The following RBFOX1 variants were observed in gnomAD, a reference collection of about 807,000 sequenced individuals.
RBFOX1 encodes the protein RNA binding protein fox-1 homolog 1.
A neutral mutation model predicts 57.7 loss-of-function variants in RBFOX1; 8 were observed. That is an observed-to-expected ratio of 0.14 (90% CI 0.08 to 0.25). RBFOX1 has a LOEUF of 0.25. Among genes scored for constraint, RBFOX1 ranks in the 10% least tolerant of loss-of-function variants. RBFOX1 has a pLI of 1.00. For synonymous variants in RBFOX1, 326 were observed against 222.4 expected, an observed-to-expected ratio of 1.47 and a Z score of -4.15; for missense variants, 611 against 548.5, an observed-to-expected ratio of 1.11 and a Z score of -1.14.
intron 2 of RBFOX1, among the ~76,000 whole-genome samples, chr16:6,503,943 A>G (rs770118549): frequency 2.0e-5 from 3 of 152,192 alleles, no homozygotes; most frequent in Non-Finnish European, 4.4e-5. Context: ...CTTCATCCCT[A>G]AATCATCTTT....
At chr16:6,671,162 G>C (rs540339787) in intron 3 of RBFOX1, among the ~76,000 whole-genome samples, 2 of 152,262 alleles carry the variant, frequency 1.3e-5, no homozygotes, top group South Asian at 4.1e-4. Context: ...GGAAACAAAA[G>C]GACACCTGGA....
chr16:6,276,635 G>T (rs1040486293), intron 1 of RBFOX1, among the ~76,000 whole-genome samples: 2 of 152,122 alleles, frequency 1.3e-5, no homozygotes, highest in Non-Finnish European at 2.9e-5. Context: ...GAGCCTCCGC[G>T]CCCGGCTGAG....
intron 2 of RBFOX1, among the ~76,000 whole-genome samples, chr16:6,426,817 G>A (rs567875323): frequency 8.9e-4 from 136 of 152,278 alleles, no homozygotes; most frequent in African/African-American, 3.1e-3. Context: ...GCAAATTCCT[G>A]CCACATGTCT....
At chr16:6,089,065 C>CAAA (rs5815283) in intron 1 of RBFOX1, among the ~76,000 whole-genome samples, 4 of 138,230 alleles carry the variant, frequency 2.9e-5, no homozygotes, top group African/African-American at 5.4e-5. Flanking sequence ...AACTCTGTCT[C>CAAA]AAAAAAAAAA....
At chr16:7,562,170 T>C (rs777326428) in intron 5 of RBFOX1, among the ~76,000 whole-genome samples, 5 of 152,202 alleles carry the variant, frequency 3.3e-5, no homozygotes, top group Non-Finnish European at 4.4e-5. Flanking sequence ...GTATTTGACA[T>C]GTTCCCAAAA....
At chr16:7,567,724 C>G (rs1427052790) in intron 5 of RBFOX1, among the ~76,000 whole-genome samples, 1 of 59,968 alleles carries the variant, frequency 1.7e-5, no homozygotes, top group Non-Finnish European at 4.0e-5. Flanking sequence ...ATATATATAT[C>G]CCTATATATA....
At chr16:7,083,544 C>G (rs1030441371) in intron 4 of RBFOX1, among the ~76,000 whole-genome samples, 1 of 152,266 alleles carries the variant, frequency 6.6e-6, no homozygotes, top group East Asian at 1.9e-4. Context: ...CACCGTGGAT[C>G]AAATGGGTTT....
intron 2 of RBFOX1, among the ~76,000 whole-genome samples, chr16:6,556,020 G>C (rs565632135): frequency 1.3e-5 from 2 of 152,102 alleles, no homozygotes; most frequent in Non-Finnish European, 1.5e-5. Context: ...GGTAATATTA[G>C]TCTTACTTTG....
chr16:7,265,854 A>T, intron 4 of RBFOX1, among the ~76,000 whole-genome samples: 1 of 151,640 alleles, frequency 6.6e-6, no homozygotes, highest in East Asian at 1.9e-4. Context: ...ATAACTCCCA[A>T]TGCTGGAGGT....
chr16:5,982,695 A>G (rs779281652), intron 4 of RBFOX1, among the ~76,000 whole-genome samples: 3 of 152,170 alleles, frequency 2.0e-5, no homozygotes, highest in Non-Finnish European at 4.4e-5. Context: ...GTTCCTGACC[A>G]TCTTGACTAA....
At chr16:7,235,598 A>G (rs557902473) in intron 4 of RBFOX1, among the ~76,000 whole-genome samples, 6 of 152,296 alleles carry the variant, frequency 3.9e-5, no homozygotes, top group South Asian at 2.1e-4. Flanking sequence ...TGCCCTTTCA[A>G]TTGATGGGCA....
intron 3 of RBFOX1, among the ~76,000 whole-genome samples, chr16:6,747,132 A>G (rs1024714998): frequency 2.6e-5 from 4 of 152,166 alleles, no homozygotes; most frequent in Non-Finnish European, 5.9e-5. Flanking sequence ...CTGGTCGGCC[A>G]GGCGCAGTGG....
intron 14 of RBFOX1, among the ~76,000 whole-genome samples, chr16:7,705,940 G>C (rs1314123919): frequency 6.6e-6 from 1 of 152,156 alleles, no homozygotes; most frequent in African/African-American, 2.4e-5. Flanking sequence ...CTTTGGCCAG[G>C]GATGCATGGT....
chr16:6,227,861 G>A (rs2097429424), intron 1 of RBFOX1, among the ~76,000 whole-genome samples: 1 of 152,172 alleles, frequency 6.6e-6, no homozygotes, highest in African/African-American at 2.4e-5. Flanking sequence ...TTAACAAAAG[G>A]AGAGGTAAAC....
intron 3 of RBFOX1, among the ~76,000 whole-genome samples, chr16:5,659,288 T>C (rs866129961): frequency 6.6e-6 from 1 of 151,598 alleles, no homozygotes; most frequent in Non-Finnish European, 1.5e-5. Context: ...TTATGTTTGT[T>C]GGCCATTGGT....
At chr16:7,531,669 A>G (rs1429961939) in intron 5 of RBFOX1, among the ~76,000 whole-genome samples, 1 of 152,224 alleles carries the variant, frequency 6.6e-6, no homozygotes, top group African/African-American at 2.4e-5. Context: ...GGATGAGGGA[A>G]CTGAGGCACA....
intron 4 of RBFOX1, among the ~76,000 whole-genome samples, chr16:7,485,205 T>C (rs565037685): frequency 6.6e-6 from 1 of 152,324 alleles, no homozygotes; most frequent in South Asian, 2.1e-4. Flanking sequence ...CCTGTTATTT[T>C]GTTTTACAAC....
At chr16:5,786,847 A>G (rs1392891983) in intron 3 of RBFOX1, among the ~76,000 whole-genome samples, 1 of 152,220 alleles carries the variant, frequency 6.6e-6, no homozygotes, top group Non-Finnish European at 1.5e-5. Flanking sequence ...TCTGAAAGGT[A>G]GAATGAAGCC....
intron 4 of RBFOX1, among the ~76,000 whole-genome samples, chr16:7,244,167 A>T (rs988508293): frequency 6.6e-6 from 1 of 151,844 alleles, no homozygotes; most frequent in Non-Finnish European, 1.5e-5. Context: ...GAGAAAAAAA[A>T]TCAGAGTAAA....
Sources: allele counts gnomAD v4.1 joint callset (sites outside exome capture counted in the v4.1 genomes callset), GRCh38; gene constraint gnomAD v4.1.1; transcripts MANE v1.5; gene names NCBI Gene and HGNC (gene_info 2026-07-23, HGNC 2026-07-21).